ATP13A5: variants seen among roughly 807,000 people sequenced by gnomAD.
ATP13A5 encodes ATPase 13A5.
Under a neutral mutation model 150.2 loss-of-function variants are expected in ATP13A5, and 149 were observed. That is an observed-to-expected ratio of 0.99 (90% CI 0.87 to 1.14). ATP13A5 has a LOEUF of 1.14. Among genes scored for constraint, ATP13A5 ranks in the 50% most tolerant of loss-of-function variants. ATP13A5 has a pLI of 0.00. For missense variants in ATP13A5, 1,383 were observed against 1,449.3 expected, an observed-to-expected ratio of 0.95 and a Z score of 0.74; for synonymous variants, 497 against 522.2, an observed-to-expected ratio of 0.95 and a Z score of 0.66.
At position 193,274,877 on chromosome 3, in the gene ATP13A5, A is replaced by T. The variant is rs893716230; in HGVS notation, c.*165T>A. 1.5e-5 allele frequency: 13 copies of T among 896,014 alleles called. No homozygotes were observed. The highest frequency in any genetic ancestry group is 1.7e-5 in the Non-Finnish European group (10 of 580,000). The allele number at this position is 896,014 out of a possible 1,614,324, so 55.5% of individuals were successfully genotyped here. The stretch of plus-strand genomic sequence containing the variant: ...ATTGGTAAAGCATACAGTCAGAATA[A>T]GCCTATCTAAGGTCCCTTGCTGCAA... On this transcript the variant is annotated 3_prime_UTR_variant, in exon 30 of 30. Coordinates refer to ENST00000342358, the MANE Select transcript of ATP13A5 (RefSeq NM_198505.4).
At chr3:193,368,597 C>T (rs1226766707) in intron 1 of ATP13A5, among the ~76,000 whole-genome samples, 1 of 151,998 alleles carries the variant, frequency 6.6e-6, no homozygotes, top group Non-Finnish European at 1.5e-5. Flanking sequence ...ACAAACAGAG[C>T]AACAAAACAA....
At chr3:193,303,702 GCAAACCAGCTCTCCTT>G (rs1313192731) in intron 23 of ATP13A5, among the ~76,000 whole-genome samples, 1 of 151,868 alleles carries the variant, frequency 6.6e-6, no homozygotes, top group Non-Finnish European at 1.5e-5. Context: ...TGGGACCTCA[GCAAACCAGCTCTCCTT>G]CAGCCTCCTC....
chr3:193,363,431 G>A (rs1476509109), intron 2 of ATP13A5, 49 bp from the exon 3 acceptor site: 2 of 1,555,560 alleles, frequency 1.3e-6, no homozygotes, highest in Non-Finnish European at 1.7e-6. Flanking sequence ...TATTCAGTAA[G>A]GTGCTCAATC....
chr3:193,320,081 C>T (rs768376976), intron 16 of ATP13A5, among the ~76,000 whole-genome samples: 2 of 152,160 alleles, frequency 1.3e-5, no homozygotes, highest in African/African-American at 4.8e-5. Context: ...TGATTTATAA[C>T]GTACCTATAA....
chr3:193,305,362 C>T (rs1320913735), intron 23 of ATP13A5, among the ~76,000 whole-genome samples, 197 bp downstream of exon 23: 1 of 152,156 alleles, frequency 6.6e-6, no homozygotes, highest in Non-Finnish European at 1.5e-5. Flanking sequence ...CTTTAAGGCT[C>T]AGCAAAAGTC....
chr3:193,364,063 G>C, intron 2 of ATP13A5, 44 bp downstream of exon 2: 2 of 1,595,960 alleles, frequency 1.3e-6, no homozygotes, highest in Non-Finnish European at 1.7e-6. Flanking sequence ...CAATACAGAA[G>C]ACACGATCAT....
chr3:193,316,025 T>G (rs1166299713), intron 17 of ATP13A5, among the ~76,000 whole-genome samples: 5 of 152,154 alleles, frequency 3.3e-5, no homozygotes, highest in African/African-American at 1.2e-4. Context: ...AATATGTCTA[T>G]TTCAGATGCT....
rs554274122 is a variant in ATP13A5 at position 193,318,673 on chromosome 3, C to T, written c.2033+318G>A. On this transcript the variant is annotated intron_variant, in intron 17 of 29. Coordinates refer to ENST00000342358, the MANE Select transcript of ATP13A5 (RefSeq NM_198505.4). ...ACATAATGCTCTGAGGTTGAAGGAG[C>T]GTTGGTTGTTTTGATGGGATGAGAG... is the stretch of plus-strand genomic sequence containing the variant. 4.6e-5 allele frequency among the ~76,000 whole-genome samples: 7 copies of T among 152,222 alleles called. No homozygotes were observed. In the East Asian group the frequency reaches 9.7e-4, roughly 21 times the overall value.
chr3:193,314,235 C>T, intron 18 of ATP13A5, 42 bp from the exon 19 acceptor site: 2 of 1,595,924 alleles, frequency 1.3e-6, no homozygotes, highest in Non-Finnish European at 1.7e-6. Context: ...GTACAAACCT[C>T]CCCTCAGCAA....
chr3:193,350,030 A>G (rs961413792), intron 7 of ATP13A5, among the ~76,000 whole-genome samples: 3 of 152,108 alleles, frequency 2.0e-5, no homozygotes, highest in African/African-American at 7.2e-5. Flanking sequence ...ATAGTTGAAT[A>G]AATTATGATA....
intron 14 of ATP13A5, 120 bp downstream of exon 14, chr3:193,324,744 C>G: frequency 9.1e-7 from 1 of 1,099,660 alleles, no homozygotes; most frequent in East Asian, 2.4e-5. Context: ...GGTAGTGTTA[C>G]ACGCTTATAC....
At chr3:193,348,248 G>A (rs1054469944) in intron 7 of ATP13A5, among the ~76,000 whole-genome samples, 4 of 152,174 alleles carry the variant, frequency 2.6e-5, no homozygotes, top group Admixed American at 2.6e-4. Flanking sequence ...CTGTTCAGCA[G>A]GACCAGGATC....
At chr3:193,326,150 G>C (rs1719460099) in intron 13 of ATP13A5, among the ~76,000 whole-genome samples, 1 of 152,170 alleles carries the variant, frequency 6.6e-6, no homozygotes, top group South Asian at 2.1e-4. Flanking sequence ...TTCTGTCACT[G>C]ACAGCAGCCT....
intron 27 of ATP13A5, among the ~76,000 whole-genome samples, chr3:193,284,407 A>AT (rs897697688): frequency 2.6e-5 from 4 of 152,090 alleles, no homozygotes; most frequent in Admixed American, 2.6e-4. Flanking sequence ...AGTAAGTAAG[A>AT]TTTTTTGAGC....
chr3:193,344,668 G>C (rs1712261462), intron 8 of ATP13A5, among the ~76,000 whole-genome samples: 1 of 152,156 alleles, frequency 6.6e-6, no homozygotes, highest in African/African-American at 2.4e-5. Context: ...ATTCGAATGA[G>C]TGACATGTGA....
chr3:193,321,577 G>A, intron 16 of ATP13A5, 104 bp downstream of exon 16: 6 of 1,286,172 alleles, frequency 4.7e-6, no homozygotes, highest in Non-Finnish European at 6.5e-6. Context: ...GCTACAGTGA[G>A]CTGAGATCGT....
intron 1 of ATP13A5, among the ~76,000 whole-genome samples, chr3:193,368,761 C>T (rs1713340705): frequency 6.6e-6 from 1 of 151,996 alleles, no homozygotes; most frequent in African/African-American, 2.4e-5. Context: ...CACCGCCCCA[C>T]CCCACTGGTT....
rs369765373 is a variant in ATP13A5, at chr3:193,332,533, T to G, written c.1272+1217A>C. Reference sequence around the variant, plus strand: ...GAACCTCACCTATGTTTTTGTTAAATTAACCATCATTTTAGCCATAAATAC... The same window carrying G: ...GAACCTCACCTATGTTTTTGTTAAAGTAACCATCATTTTAGCCATAAATAC... On this transcript the variant is annotated intron_variant, in intron 11 of 29. Transcript: ENST00000342358. Among the ~76,000 whole-genome samples, 3 of 152,242 alleles carry G rather than the reference T, an allele frequency of 2.0e-5. No homozygotes were observed. In the East Asian group the frequency reaches 5.8e-4, roughly 29 times the overall value.
chr3:193,350,930 C>T (rs1252438807), intron 7 of ATP13A5, 137 bp downstream of exon 7: 2 of 925,198 alleles, frequency 2.2e-6, no homozygotes, highest in African/African-American at 3.4e-5. Context: ...TCTGTCATCC[C>T]ATATTTGGTA....
Sources: gnomAD v4.1 joint callset for allele counts (sites outside exome capture counted in the v4.1 genomes callset) on GRCh38, gnomAD v4.1.1 for gene constraint, MANE v1.5 for transcripts, NCBI Gene and HGNC (gene_info 2026-07-23, HGNC 2026-07-21) for gene names.